Variants in APBA1 observed in about 807,000 individuals in gnomAD.
The protein encoded by APBA1 is amyloid-beta A4 precursor protein-binding family A member 1.
APBA1 carries 55 observed loss-of-function variants against 86.6 expected under a neutral mutation model. The observed-to-expected ratio is 0.64, with a 90% CI of 0.51 to 0.80. The LOEUF is 0.80. Ranked by LOEUF, APBA1 falls within the 30% of genes least tolerant of loss-of-function variation. The pLI is 0.00. For synonymous variants in APBA1, 511 were observed against 493.9 expected (o/e 1.03, Z -0.46); for missense variants, 1,090 against 1,183.0 (o/e 0.92, Z 1.15).
At chr9:69,569,047 A>G (rs908879820) in intron 1 of APBA1, among the ~76,000 whole-genome samples, 1 of 152,210 alleles carries the variant, frequency 6.6e-6, no homozygotes, top group Non-Finnish European at 1.5e-5. Flanking sequence ...AATGTGAAAG[A>G]ATGAATATTG....
At chr9:69,484,816 A>C (rs921131537) in intron 2 of APBA1, among the ~76,000 whole-genome samples, 1 of 152,116 alleles carries the variant, frequency 6.6e-6, no homozygotes, top group African/African-American at 2.4e-5. Flanking sequence ...GCTTCAGTTT[A>C]TTCAGCTTTA....
chr9:69,590,839 A>G (rs1822115294), intron 1 of APBA1, among the ~76,000 whole-genome samples: 1 of 152,202 alleles, frequency 6.6e-6, no homozygotes, highest in African/African-American at 2.4e-5. Flanking sequence ...TTCTGCAGAC[A>G]GCTAAATGGC....
intron 1 of APBA1, among the ~76,000 whole-genome samples, chr9:69,597,622 C>T (rs1822255314): frequency 6.6e-6 from 1 of 152,176 alleles, no homozygotes; most frequent in Admixed American, 6.6e-5. Flanking sequence ...CCTAGGTTTT[C>T]TTCTAGGGTT....
At chr9:69,482,210 T>A (rs1220414638) in intron 2 of APBA1, among the ~76,000 whole-genome samples, 5 of 152,026 alleles carry the variant, frequency 3.3e-5, no homozygotes, top group Middle Eastern at 3.2e-3. Context: ...AGAAAATTTT[T>A]GCAACCTACT....
At chr9:69,552,712 C>T (rs1466403550) in intron 1 of APBA1, among the ~76,000 whole-genome samples, 3 of 152,134 alleles carry the variant, frequency 2.0e-5, no homozygotes, top group African/African-American at 4.8e-5. Flanking sequence ...AGTTGAGATC[C>T]AATTCATTCA....
chr9:69,542,141 C>T (rs1288390584), intron 1 of APBA1, among the ~76,000 whole-genome samples: 1 of 152,094 alleles, frequency 6.6e-6, no homozygotes, highest in African/African-American at 2.4e-5. Context: ...CAAAACTGAA[C>T]AAAATGTATG....
intron 11 of APBA1, among the ~76,000 whole-genome samples, chr9:69,433,282 T>C (rs1241403611): frequency 3.3e-5 from 5 of 152,198 alleles, no homozygotes; most frequent in Non-Finnish European, 7.3e-5. Flanking sequence ...TGACCCGAGG[T>C]TGCAGGCGGG....
At chr9:69,542,481 T>C (rs1241338294) in intron 1 of APBA1, among the ~76,000 whole-genome samples, 1 of 152,232 alleles carries the variant, frequency 6.6e-6, no homozygotes, top group South Asian at 2.1e-4. Flanking sequence ...CTGAATAATA[T>C]TTCATTGTAT....
At chr9:69,577,282 G>A (rs1308568033) in intron 1 of APBA1, among the ~76,000 whole-genome samples, 1 of 152,194 alleles carries the variant, frequency 6.6e-6, no homozygotes, top group East Asian at 1.9e-4. Flanking sequence ...CTTGGTCTAT[G>A]TGAAGAAAAT....
chr9:69,528,030 C>T (rs1836369924), intron 1 of APBA1, among the ~76,000 whole-genome samples: 1 of 152,082 alleles, frequency 6.6e-6, no homozygotes, highest in Non-Finnish European at 1.5e-5. Flanking sequence ...ATTAAAAAGA[C>T]TCTGGCATAA....
At chr9:69,660,649 G>A (rs72719102) in intron 1 of APBA1, among the ~76,000 whole-genome samples, 8,842 of 152,124 alleles carry the variant, frequency 0.058, 301 homozygotes, top group South Asian at 0.11. Flanking sequence ...CATTCCCAAA[G>A]CTTTACTAGA....
At chr9:69,662,020 TAACA>T in intron 1 of APBA1, among the ~76,000 whole-genome samples, 1 of 92,946 alleles carries the variant, frequency 1.1e-5, no homozygotes, top group Non-Finnish European at 2.2e-5. Flanking sequence ...AGACAAACAG[TAACA>T]CACACACACA....
chr9:69,611,000 T>C (rs1822574767), intron 1 of APBA1, among the ~76,000 whole-genome samples: 1 of 152,112 alleles, frequency 6.6e-6, no homozygotes, highest in Non-Finnish European at 1.5e-5. Context: ...CTGACTTTTC[T>C]GCTGGTGTTG....
intron 11 of APBA1, among the ~76,000 whole-genome samples, chr9:69,437,477 G>C (rs1246776124): frequency 1.6e-5 from 2 of 123,314 alleles, no homozygotes; most frequent in East Asian, 4.5e-4. Context: ...TCTATTCAGA[G>C]ATTCAACTTC....
At chr9:69,638,540 C>A (rs1428848382) in intron 1 of APBA1, among the ~76,000 whole-genome samples, 1 of 152,180 alleles carries the variant, frequency 6.6e-6, no homozygotes, top group Non-Finnish European at 1.5e-5. Flanking sequence ...CAAGTGCATA[C>A]TTTATAAAGT....
At chr9:69,654,563 A>G (rs1359507916) in intron 1 of APBA1, among the ~76,000 whole-genome samples, 1 of 152,226 alleles carries the variant, frequency 6.6e-6, no homozygotes, top group African/African-American at 2.4e-5. Flanking sequence ...CAGTAATAAA[A>G]TGTCCCCCAT....
intron 4 of APBA1, among the ~76,000 whole-genome samples, chr9:69,470,202 A>G (rs1835344992): frequency 6.6e-6 from 1 of 152,230 alleles, no homozygotes; most frequent in Non-Finnish European, 1.5e-5. Context: ...TCACACCCAG[A>G]AAAATAAAAG....
At chr9:69,481,977 G>A (rs1835518392) in intron 2 of APBA1, among the ~76,000 whole-genome samples, 1 of 150,496 alleles carries the variant, frequency 6.6e-6, no homozygotes, top group African/African-American at 2.4e-5. Context: ...AATTCAAGAT[G>A]GATTAAAGAC....
At chr9:69,666,475 CTTAT>C (rs958984253) in intron 1 of APBA1, among the ~76,000 whole-genome samples, 5 of 151,660 alleles carry the variant, frequency 3.3e-5, no homozygotes, top group Non-Finnish European at 5.9e-5. Context: ...TATGTAATTA[CTTAT>C]TTATTTATTT....
Sources: gnomAD v4.1 joint callset for allele counts (sites outside exome capture counted in the v4.1 genomes callset) on GRCh38, gnomAD v4.1.1 for gene constraint, MANE v1.5 for transcripts, NCBI Gene and HGNC (gene_info 2026-07-23, HGNC 2026-07-21) for gene names.